HDAC4: variants seen among roughly 807,000 people sequenced by gnomAD.
HDAC4 encodes histone deacetylase A.
HDAC4 carries 16 observed loss-of-function variants against 135.1 expected under a neutral mutation model. The observed-to-expected ratio is 0.12, with a 90% CI of 0.08 to 0.18. The LOEUF is 0.18. HDAC4 is among the 10% of genes least tolerant of loss of function. The pLI is 1.00. For synonymous variants in HDAC4, 685 were observed against 653.4 expected, an observed-to-expected ratio of 1.05 and a Z score of -0.74; for missense variants, 1,143 against 1,511.8, an observed-to-expected ratio of 0.76 and a Z score of 4.05.
At chr2:239,243,007 G>T (rs2048274669) in intron 2 of HDAC4, among the ~76,000 whole-genome samples, 1 of 152,102 alleles carries the variant, frequency 6.6e-6, no homozygotes, top group Non-Finnish European at 1.5e-5. Context: ...GAACAGGAAG[G>T]CAGCAAGAGC....
In HDAC4 at chr2:239,337,804, G is replaced by A. The variant is rs1015879881; in HGVS notation, c.22+14874C>T. The stretch of plus-strand genomic sequence containing the variant: ...CCAGGCAGGACAACCGGCTTCGGCT[G>A]AGATCTGCAGACTGGGCCCTGGCAG... On this transcript the variant is annotated intron_variant, in intron 2 of 26. Transcript: ENST00000543185. 2.6e-5 allele frequency among the ~76,000 whole-genome samples: 4 copies of A among 152,188 alleles called. 1 individual carries two copies.
chr2:239,222,344 A>G (rs559198026), intron 3 of HDAC4, among the ~76,000 whole-genome samples: 22 of 152,324 alleles, frequency 1.4e-4, no homozygotes, highest in African/African-American at 5.1e-4. Flanking sequence ...CTCTTTAGAA[A>G]ATCCTTTTAA....
At chr2:239,056,055 T>C (rs555889144) in intron 24 of HDAC4, among the ~76,000 whole-genome samples, 1 of 152,350 alleles carries the variant, frequency 6.6e-6, no homozygotes, top group African/African-American at 2.4e-5. Flanking sequence ...ATTTGCCTGC[T>C]TCTAGACACT....
chr2:239,292,486 A>AC (rs1228893343), intron 2 of HDAC4, among the ~76,000 whole-genome samples: 1 of 152,038 alleles, frequency 6.6e-6, no homozygotes, highest in Non-Finnish European at 1.5e-5. Flanking sequence ...GCTGGCAGTG[A>AC]CCCCACCACT....
chr2:239,136,646 A>C (rs1382176076), intron 9 of HDAC4, among the ~76,000 whole-genome samples: 1 of 152,366 alleles, frequency 6.6e-6, no homozygotes, highest in East Asian at 1.9e-4. Flanking sequence ...TCATCCGACA[A>C]GGGAGCAGTA....
chr2:239,215,116 T>A (rs541909789), intron 3 of HDAC4, among the ~76,000 whole-genome samples: 2 of 152,166 alleles, frequency 1.3e-5, no homozygotes, highest in Non-Finnish European at 2.9e-5. Context: ...GAGGCCAGGA[T>A]ATCACCAAGG....
At chr2:239,305,994 C>G (rs1480690051) in intron 2 of HDAC4, among the ~76,000 whole-genome samples, 1 of 152,212 alleles carries the variant, frequency 6.6e-6, no homozygotes, top group Non-Finnish European at 1.5e-5. Flanking sequence ...TGGGCAAGCA[C>G]AGTGTCTGCG....
At chr2:239,124,510 T>C (rs1426968448) in intron 12 of HDAC4, among the ~76,000 whole-genome samples, 2 of 152,190 alleles carry the variant, frequency 1.3e-5, no homozygotes, top group African/African-American at 2.4e-5. Context: ...GGCCACGTTA[T>C]ATGACATTCC....
At chr2:239,239,257 T>C (rs1048781682) in intron 2 of HDAC4, among the ~76,000 whole-genome samples, 1 of 152,172 alleles carries the variant, frequency 6.6e-6, no homozygotes, top group Non-Finnish European at 1.5e-5. Context: ...CCCTCTCAGG[T>C]TCTGTAATTT....
intron 2 of HDAC4, among the ~76,000 whole-genome samples, chr2:239,311,349 G>A (rs1442696801): frequency 1.3e-5 from 2 of 152,164 alleles, no homozygotes. Flanking sequence ...GACACCCGAC[G>A]CTCACCGTTA....
At chr2:239,253,286 T>C (rs1387921916) in intron 2 of HDAC4, among the ~76,000 whole-genome samples, 2 of 152,218 alleles carry the variant, frequency 1.3e-5, no homozygotes, top group African/African-American at 4.8e-5. Context: ...GCAAATTTCT[T>C]TGGTTTTATA....
chr2:239,322,097 C>G (rs929636711), intron 2 of HDAC4, among the ~76,000 whole-genome samples: 13 of 152,292 alleles, frequency 8.5e-5, no homozygotes, highest in African/African-American at 2.9e-4. Context: ...ACTGGTTACA[C>G]CCTATGTAAA....
intron 2 of HDAC4, among the ~76,000 whole-genome samples, chr2:239,292,057 C>T (rs549378669): frequency 2.0e-5 from 3 of 151,626 alleles, no homozygotes; most frequent in African/African-American, 7.3e-5. Flanking sequence ...CAGCTCAGGG[C>T]GGCCACACCA....
chr2:239,071,984 T>C (rs1054806870), intron 22 of HDAC4, among the ~76,000 whole-genome samples: 6 of 152,208 alleles, frequency 3.9e-5, no homozygotes, highest in Non-Finnish European at 7.3e-5. Flanking sequence ...GGGGGCTTCA[T>C]CTTCAACACC....
At chr2:239,243,345 G>A (rs2048298311) in intron 2 of HDAC4, among the ~76,000 whole-genome samples, 1 of 152,046 alleles carries the variant, frequency 6.6e-6, no homozygotes, top group African/African-American at 2.4e-5. Flanking sequence ...GTAGAGACGG[G>A]GTTTCACCAT....
intron 1 of HDAC4, among the ~76,000 whole-genome samples, chr2:239,372,519 T>G (rs1442267287): frequency 6.6e-6 from 1 of 152,164 alleles, no homozygotes; most frequent in African/African-American, 2.4e-5. Flanking sequence ...CAGGCTTCGC[T>G]TCTGTGAGTG....
chr2:239,220,998 C>T (rs974400439), intron 3 of HDAC4, among the ~76,000 whole-genome samples: 11 of 152,128 alleles, frequency 7.2e-5, no homozygotes, highest in African/African-American at 1.7e-4. Context: ...TCCCTCACCA[C>T]GAAGACCTCC....
intron 3 of HDAC4, among the ~76,000 whole-genome samples, chr2:239,234,182 T>C (rs568184860): frequency 3.3e-4 from 50 of 152,346 alleles, no homozygotes; most frequent in African/African-American, 1.2e-3. Flanking sequence ...ATGGATGTCA[T>C]ACAGGACTGC....
rs549640044 is a variant in HDAC4, at chr2:239,069,683, A to G, written c.2751-1076T>C. ...GGTGCAAGCCAGCAAGCCCCACTGC[A>G]CTTGCTTGGTGAGAGTGAGTCACGG... On this transcript the variant is annotated intron_variant, in intron 22 of 26. Coordinates refer to ENST00000543185, the MANE Select transcript of HDAC4 (RefSeq NM_001378414.1). Among the ~76,000 whole-genome samples, 269 of 108,694 alleles carry G rather than the reference A, an allele frequency of 2.5e-3. 3 individuals are homozygous for G. The highest frequency in any genetic ancestry group is 9.4e-3 in the Middle Eastern group (2 of 212). The allele number at this position is 108,694 out of a possible 152,430, so 71.3% of individuals were successfully genotyped here. A position where few individuals can be genotyped will look rare whatever the true frequency, so the allele number is the denominator to read the frequency against.
Sources: allele counts gnomAD v4.1 joint callset (sites outside exome capture counted in the v4.1 genomes callset), GRCh38; gene constraint gnomAD v4.1.1; transcripts MANE v1.5; gene names NCBI Gene and HGNC (gene_info 2026-07-23, HGNC 2026-07-21).